The following OLA1 variants were observed in gnomAD, a reference collection of about 807,000 sequenced individuals.
OLA1 encodes Obg like ATPase 1.
In OLA1, 14 loss-of-function variants were observed where a neutral mutation model predicts 48.4. The observed-to-expected ratio is 0.29, with a 90% confidence interval of 0.19 to 0.45. OLA1 has a LOEUF of 0.45. Among genes scored for constraint, OLA1 ranks in the 20% least tolerant of loss-of-function variants. The pLI is 1.00. For synonymous variants in OLA1, 127 were observed against 150.4 expected (o/e 0.84, Z 1.14); for missense variants, 325 against 467.1 (o/e 0.70, Z 2.80).
At chr2:174,114,172 CAAAAAAAAA>C (rs33971592) in intron 7 of OLA1, among the ~76,000 whole-genome samples, 1 of 78,210 alleles carries the variant, frequency 1.3e-5, no homozygotes, top group South Asian at 4.9e-4. Context: ...ACTAAAAATA[CAAAAAAAAA>C]AAAAAAAAAA....
rs1684631953 is a variant in OLA1 at position 174,072,817 on chromosome 2, G to A, written c.*2609C>T. 6.6e-6 allele frequency: 1 copy of A among 152,208 alleles called. No individual in the cohort carries two copies. Among genetic ancestry groups the A allele is most frequent in the Admixed American group, 6.5e-5 (1 of 15,278 alleles). 9.4% of individuals were successfully genotyped at this position (152,208 alleles called of 1,614,324 possible). A position where few individuals can be genotyped will look rare whatever the true frequency, so the allele number is the denominator to read the frequency against. Reference sequence around the variant, plus strand: ...AACTGGCAAGTTATAAGTGAACAGAGGCTTCACTCATAACTAAGTTAGCGA... The same window carrying A: ...AACTGGCAAGTTATAAGTGAACAGAAGCTTCACTCATAACTAAGTTAGCGA... On this transcript the variant is annotated 3_prime_UTR_variant, in exon 11 of 11. Coordinates refer to ENST00000284719, the MANE Select transcript of OLA1 (RefSeq NM_013341.5).
At chr2:174,126,001 T>C (rs1686036429) in intron 5 of OLA1, among the ~76,000 whole-genome samples, 1 of 152,172 alleles carries the variant, frequency 6.6e-6, no homozygotes, top group African/African-American at 2.4e-5. Flanking sequence ...AACTTAGATT[T>C]ACTAAAAGAT....
At chr2:174,162,659 T>C (rs1259828087) in intron 4 of OLA1, among the ~76,000 whole-genome samples, 1 of 152,308 alleles carries the variant, frequency 6.6e-6, no homozygotes, top group East Asian at 1.9e-4. Context: ...GTTAGAAATT[T>C]AACAAAATAC....
chr2:174,210,056 T>C (rs943616546), intron 4 of OLA1, among the ~76,000 whole-genome samples: 1 of 152,140 alleles, frequency 6.6e-6, no homozygotes, highest in Non-Finnish European at 1.5e-5. Context: ...AGGAAGTATA[T>C]ACAGAATTAT....
chr2:174,205,318 G>A (rs1328278135), intron 4 of OLA1, among the ~76,000 whole-genome samples: 5 of 152,086 alleles, frequency 3.3e-5, no homozygotes, highest in Middle Eastern at 3.4e-3. Context: ...GAAAATGGGC[G>A]GAGAAGATTT....
intron 5 of OLA1, among the ~76,000 whole-genome samples, chr2:174,127,235 G>A (rs1267443147): frequency 2.0e-5 from 3 of 152,148 alleles, no homozygotes; most frequent in Non-Finnish European, 4.4e-5. Flanking sequence ...TAAGTGACTT[G>A]AAGGTTCATG....
chr2:174,100,412 C>G (rs1685364173), intron 7 of OLA1, among the ~76,000 whole-genome samples: 1 of 151,160 alleles, frequency 6.6e-6, no homozygotes, highest in African/African-American at 2.4e-5. Context: ...ACATTAATAA[C>G]TTTTTTTTTG....
chr2:174,180,712 T>C (rs1687513410), intron 4 of OLA1, among the ~76,000 whole-genome samples: 1 of 152,142 alleles, frequency 6.6e-6, no homozygotes, highest in African/African-American at 2.4e-5. Flanking sequence ...AGTATGAAAA[T>C]ACAAGTTACA....
At chr2:174,197,432 GTTTTT>G (rs35782392) in intron 4 of OLA1, among the ~76,000 whole-genome samples, 1 of 148,594 alleles carries the variant, frequency 6.7e-6, no homozygotes, top group Non-Finnish European at 1.5e-5. Context: ...TTGGTTTGTT[GTTTTT>G]TTTTTTTATG....
At chr2:174,228,409 G>A (rs556191302) in intron 3 of OLA1, among the ~76,000 whole-genome samples, 97 of 152,018 alleles carry the variant, frequency 6.4e-4, no homozygotes, top group Non-Finnish European at 1.0e-3. Context: ...TTCTATTTCT[G>A]TAAGTAAGTG....
intron 4 of OLA1, among the ~76,000 whole-genome samples, chr2:174,168,865 C>G (rs1410023268): frequency 6.6e-6 from 1 of 151,140 alleles, no homozygotes; most frequent in Non-Finnish European, 1.5e-5. Flanking sequence ...AAAGATAAAT[C>G]AACAGAAACT....
In OLA1 at chr2:174,072,902, C is replaced by A. The variant is rs1684634885; in HGVS notation, c.*2524G>T. ...TCTGCTCTGAGCCATATGCAAAATG[C>A]ATGTTATGAAGATAACATGATAAAA... On this transcript the variant is annotated 3_prime_UTR_variant, in exon 11 of 11. Coordinates refer to ENST00000284719, the MANE Select transcript of OLA1 (RefSeq NM_013341.5). 6.6e-6 allele frequency: 1 copy of A among 152,178 alleles called. No individual in the cohort carries two copies. The highest frequency in any genetic ancestry group is 1.5e-5 in the Non-Finnish European group (1 of 68,026). 9.4% of individuals were successfully genotyped at this position (152,178 alleles called of 1,614,324 possible). A position where few individuals can be genotyped will look rare whatever the true frequency, so the allele number is the denominator to read the frequency against.
At chr2:174,079,133 G>A in intron 9 of OLA1, 43 bp from the exon 10 acceptor site, 1 of 1,545,418 alleles carries the variant, frequency 6.5e-7, no homozygotes, top group South Asian at 1.2e-5. Context: ...CATTTAAGAT[G>A]ACTGATTGTA....
chr2:174,151,488 A>C (rs987533044), intron 4 of OLA1, among the ~76,000 whole-genome samples: 1 of 152,208 alleles, frequency 6.6e-6, no homozygotes, highest in African/African-American at 2.4e-5. Flanking sequence ...TTTATATTCT[A>C]ATCCAGAGTC....
chr2:174,122,209 A>T (rs1482343768), intron 7 of OLA1, among the ~76,000 whole-genome samples: 1 of 152,194 alleles, frequency 6.6e-6, no homozygotes, highest in Non-Finnish European at 1.5e-5. Context: ...GTCTTATAGT[A>T]ATATCAACAG....
chr2:174,098,159 A>G (rs920640212), intron 7 of OLA1, among the ~76,000 whole-genome samples: 1 of 152,352 alleles, frequency 6.6e-6, no homozygotes, highest in African/African-American at 2.4e-5. Context: ...GGCACGTGAA[A>G]CAATTCCTAT....
intron 5 of OLA1, among the ~76,000 whole-genome samples, chr2:174,128,400 CA>C (rs1454111930): frequency 9.4e-5 from 13 of 137,830 alleles, no homozygotes; most frequent in African/African-American, 1.1e-4. Flanking sequence ...ACCCTGTCTC[CA>C]AAAAAAAAAT....
At chr2:174,201,901 T>C (rs1687998841) in intron 4 of OLA1, among the ~76,000 whole-genome samples, 1 of 152,214 alleles carries the variant, frequency 6.6e-6, no homozygotes, top group African/African-American at 2.4e-5. Flanking sequence ...ATTTTGCCTT[T>C]AGCCAGTATG....
At chr2:174,232,596 A>G (rs897162205) in intron 2 of OLA1, among the ~76,000 whole-genome samples, 1 of 152,160 alleles carries the variant, frequency 6.6e-6, no homozygotes, top group African/African-American at 2.4e-5. Flanking sequence ...ACAAATGGCT[A>G]AAAAAATATG....
Sources: gnomAD v4.1 joint callset for allele counts (sites outside exome capture counted in the v4.1 genomes callset) on GRCh38, gnomAD v4.1.1 for gene constraint, MANE v1.5 for transcripts, NCBI Gene and HGNC (gene_info 2026-07-23, HGNC 2026-07-21) for gene names.